Variants in CRYBB2 observed in about 807,000 individuals in gnomAD.
CRYBB2 encodes the protein beta-crystallin B2.
CRYBB2 carries 12 observed loss-of-function variants against 24.3 expected under a neutral mutation model. That is an observed-to-expected ratio of 0.49 (90% CI 0.32 to 0.80). The LOEUF (loss-of-function observed/expected upper bound fraction) is 0.80, where lower values mean the gene tolerates loss of function less well. Ranked by LOEUF, CRYBB2 falls within the 30% of genes least tolerant of loss-of-function variation. CRYBB2 has a pLI of 0.04. For missense variants in CRYBB2, 198 were observed against 268.5 expected (o/e 0.74, Z 1.83); for synonymous variants, 98 against 101.6 (o/e 0.96, Z 0.21).
chr22:25,222,287 C>T (rs748641763), intron 2 of CRYBB2, among the ~76,000 whole-genome samples: 52 of 152,192 alleles, frequency 3.4e-4, no homozygotes, highest in Non-Finnish European at 5.7e-4. Context: ...GCTTACTTTC[C>T]AGAAGAAGGA....
At chr22:25,218,183 C>CGGGAGGCAGAGCTTGCA, upstream of CRYBB2, among the ~76,000 whole-genome samples, 1 of 151,172 alleles carries the variant, frequency 6.6e-6, no homozygotes, top group South Asian at 2.1e-4. Flanking sequence ...GGTGTGAACA[C>CGGGAGGCAGAGCTTGCA]GGGAGGCAGA....
Position 25,225,066 on chromosome 22 carries a change from G to C in CRYBB2, c.173+30G>C, listed in dbSNP as rs367595467. On this transcript the variant is annotated intron_variant, in intron 3 of 5. Coordinates refer to ENST00000398215, the MANE Select transcript of CRYBB2 (RefSeq NM_000496.3). ...GTACCTGGGTGGCCTCTCCTGGTCA[G>C]GGACTTTGGGTGAGGTGATCAAGTT... 230 of 1,184,126 alleles carry C rather than the reference G, an allele frequency of 1.9e-4. 3 individuals are homozygous for C. Among genetic ancestry groups the C allele is most frequent in the Non-Finnish European group, 2.7e-4 (210 of 787,104 alleles). 73.4% of individuals were successfully genotyped at this position (1,184,126 alleles called of 1,614,324 possible).
chr22:25,221,616 C>T (rs1327711458), intron 2 of CRYBB2, 133 bp downstream of exon 2: 1 of 683,282 alleles, frequency 1.5e-6, no homozygotes, highest in East Asian at 2.8e-5. Flanking sequence ...GACTCAGTCT[C>T]CTCTACCCAC....
At chr22:25,226,168 CTGTGTGTG>C (rs3064285) in intron 3 of CRYBB2, among the ~76,000 whole-genome samples, 20,031 of 149,022 alleles carry the variant, frequency 0.13, 1,425 homozygotes, top group East Asian at 0.21. Context: ...TTGGATTTCT[CTGTGTGTG>C]TGTGTGTGTG....
upstream of CRYBB2, among the ~76,000 whole-genome samples, chr22:25,217,989 G>C (rs1002604078): frequency 7.2e-5 from 11 of 152,206 alleles, no homozygotes; most frequent in African/African-American, 2.2e-4. Context: ...GCCGGGCGCG[G>C]TGGCTCACGC....
chr22:25,219,369 T>C (rs569986119), upstream of CRYBB2, among the ~76,000 whole-genome samples: 12 of 152,274 alleles, frequency 7.9e-5, no homozygotes, highest in African/African-American at 2.6e-4. Context: ...GAACCCAGCG[T>C]ACCCCTGGCC....
chr22:25,218,172 T>C (rs995530479), upstream of CRYBB2, among the ~76,000 whole-genome samples: 7 of 149,560 alleles, frequency 4.7e-5, no homozygotes, highest in Admixed American at 2.0e-4. Flanking sequence ...AGGAGGAGAA[T>C]GGTGTGAACA....
At chr22:25,218,614 C>T (rs991781396), upstream of CRYBB2, among the ~76,000 whole-genome samples, 5 of 148,654 alleles carry the variant, frequency 3.4e-5, no homozygotes, top group Admixed American at 1.4e-4. Context: ...TGCAGTGAGC[C>T]GAGATCACAC....
At chr22:25,231,535 C>A in intron 5 of CRYBB2, 69 bp from the exon 6 acceptor site, 2 of 1,454,976 alleles carry the variant, frequency 1.4e-6, no homozygotes, top group East Asian at 4.5e-5. Flanking sequence ...TCTCTCCCCT[C>A]GCCTCTCTCT....
rs953132777 is a variant in CRYBB2 at position 25,213,493 on chromosome 22, T to G, written c.-27+653T>G. ...GTCTAGTGCTGGTCAGCGGGGGGCT[T>G]TTCTCTACAGAGTCACTCAGGGACC... On this transcript the variant is annotated intron_variant, in intron 1 of 5. Coordinates refer to the CRYBB2 transcript ENST00000651629. 4 of 152,192 alleles carry G rather than the reference T, an allele frequency of 2.6e-5. No individual in the cohort carries two copies. The South Asian group carries it at 6.2e-4, about 24-fold the overall frequency. 9.4% of individuals were successfully genotyped at this position (152,192 alleles called of 1,614,324 possible).
chr22:25,227,152 A>G (rs1935433489), intron 3 of CRYBB2, among the ~76,000 whole-genome samples: 1 of 152,182 alleles, frequency 6.6e-6, no homozygotes, highest in Non-Finnish European at 1.5e-5. Context: ...TTGGTCCCAG[A>G]ATGCTAATCA....
chr22:25,218,467 G>A (rs1935217472), upstream of CRYBB2, among the ~76,000 whole-genome samples: 1 of 151,242 alleles, frequency 6.6e-6, no homozygotes, highest in Non-Finnish European at 1.5e-5. Flanking sequence ...GACCACCCTG[G>A]GCAACATGTC....
chr22:25,214,956 G>A (rs1344814610), upstream of CRYBB2, among the ~76,000 whole-genome samples: 1 of 152,238 alleles, frequency 6.6e-6, no homozygotes, highest in African/African-American at 2.4e-5. Flanking sequence ...ACTCCTATCA[G>A]CCAGTGAAAA....
upstream of CRYBB2, among the ~76,000 whole-genome samples, chr22:25,217,675 C>G (rs1185333739): frequency 6.6e-6 from 1 of 152,156 alleles, no homozygotes; most frequent in Non-Finnish European, 1.5e-5. Context: ...TCTGGAGATA[C>G]CATGGTAAAC....
chr22:25,231,784 C>G lies in CRYBB2; in HGVS notation c.*12C>G. On this transcript the variant is annotated 3_prime_UTR_variant, in exon 6 of 6. Transcript: ENST00000398215. ...ACCCCTCCAACTAGTGCCCTCCCCA[C>G]CATGCCTCCTTCCCAGGACCCAGGT... 1 of 1,613,620 alleles carries G rather than the reference C, an allele frequency of 6.2e-7. No homozygotes were observed. The highest frequency in any genetic ancestry group is 1.1e-5 in the South Asian group (1 of 91,068).
At chr22:25,229,297 T>C (rs1935490550) in intron 4 of CRYBB2, 139 bp from the exon 5 acceptor site, 10 of 1,412,850 alleles carry the variant, frequency 7.1e-6, no homozygotes, top group Non-Finnish European at 9.8e-6. Flanking sequence ...GCAGTGGTCA[T>C]AGACACGTAG....
intron 3 of CRYBB2, among the ~76,000 whole-genome samples, 200 bp downstream of exon 3, chr22:25,225,236 G>A (rs1286815627): frequency 6.6e-6 from 1 of 152,232 alleles, no homozygotes; most frequent in Non-Finnish European, 1.5e-5. Context: ...GGGTTGTGTG[G>A]TGTTGGACCA....
intron 3 of CRYBB2, among the ~76,000 whole-genome samples, chr22:25,226,190 GTGTGTGT>G (rs2146090996): frequency 6.6e-6 from 1 of 151,906 alleles, no homozygotes; most frequent in South Asian, 2.1e-4. Flanking sequence ...GTGTGTGTGT[GTGTGTGT>G]GTGTGTGTGT....
rs1373725821 is a variant in CRYBB2, at chr22:25,222,511, G to A, written c.54+1028G>A. On this transcript the variant is annotated intron_variant, in intron 2 of 5. Coordinates refer to ENST00000398215, the MANE Select transcript of CRYBB2 (RefSeq NM_000496.3). The stretch of plus-strand genomic sequence containing the variant: ...GGGGTGCCTTTGCCAGGCCGAGGTG[G>A]GAGGACTGTTTGAACCCAAAAGTTT... Among the ~76,000 whole-genome samples the A allele has an allele frequency of 2.6e-5, 4 of 152,262 alleles. No homozygotes were observed. The East Asian group carries it at 5.8e-4, about 22-fold the overall frequency.
Sources: gnomAD v4.1 joint callset for allele counts (sites outside exome capture counted in the v4.1 genomes callset) on GRCh38, gnomAD v4.1.1 for gene constraint, MANE v1.5 for transcripts, NCBI Gene and HGNC (gene_info 2026-07-23, HGNC 2026-07-21) for gene names.